Variants in TENM3 observed in about 807,000 individuals in gnomAD.
TENM3 encodes teneurin-3.
In TENM3, 63 loss-of-function variants were observed where a neutral mutation model predicts 255.1. The ratio of observed to expected loss-of-function variants is 0.25; its 90% CI spans 0.20 to 0.30. TENM3 has a LOEUF of 0.30. TENM3 is among the 10% of genes least tolerant of loss of function. TENM3 has a pLI of 1.00. For missense variants in TENM3, 2,929 were observed against 3,461.1 expected (o/e 0.85, Z 3.86); for synonymous variants, 1,306 against 1,322.3 (o/e 0.99, Z 0.27).
At chr4:182,604,081 T>G (rs1375106945) in intron 4 of TENM3, among the ~76,000 whole-genome samples, 1 of 152,198 alleles carries the variant, frequency 6.6e-6, no homozygotes, top group Non-Finnish European at 1.5e-5. Context: ...ATCATTTTGA[T>G]TTATTCAAAA....
chr4:181,474,856 C>T, the TENM3 span, among the ~76,000 whole-genome samples: 1 of 151,984 alleles, frequency 6.6e-6, no homozygotes, highest in African/African-American at 2.4e-5. Context: ...CTGAATTGTT[C>T]TCATTGAAAT....
chr4:181,544,066 T>A, the TENM3 span, among the ~76,000 whole-genome samples: 1 of 152,110 alleles, frequency 6.6e-6, no homozygotes, highest in Non-Finnish European at 1.5e-5. Flanking sequence ...ATTTAATTTT[T>A]AAAAATAGAT....
chr4:181,715,085 T>C, the TENM3 span, among the ~76,000 whole-genome samples: 70 of 152,350 alleles, frequency 4.6e-4, 1 homozygote, highest in East Asian at 0.013. Flanking sequence ...TTCTTAATTA[T>C]ACGTGGTAGA....
At chr4:182,020,607 C>G in the TENM3 span, among the ~76,000 whole-genome samples, 2 of 152,172 alleles carry the variant, frequency 1.3e-5, no homozygotes, top group African/African-American at 4.8e-5. Flanking sequence ...GCTAATTACC[C>G]TGATTTGATC....
At chr4:182,673,918 T>C (rs1482177879) in intron 7 of TENM3, among the ~76,000 whole-genome samples, 1 of 152,216 alleles carries the variant, frequency 6.6e-6, no homozygotes, top group East Asian at 1.9e-4. Flanking sequence ...GCCTTTTTCA[T>C]AATCTAATAC....
chr4:181,687,043 A>T, the TENM3 span, among the ~76,000 whole-genome samples: 15 of 152,150 alleles, frequency 9.9e-5, no homozygotes, highest in Non-Finnish European at 1.8e-4. Context: ...GGTTCTTATT[A>T]AAAAAGAGAG....
At position 182,743,279 on chromosome 4, in the gene TENM3, C is replaced by G; in HGVS notation, c.3489C>G (p.Cys1163Trp). 6.2e-7 allele frequency: 1 copy of G among 1,614,032 alleles called. No individual in the cohort carries two copies. The highest frequency in any genetic ancestry group is 8.5e-7 in the Non-Finnish European group (1 of 1,179,900). ...GRRRSISCPS[C>W]NGQADGNKLL... ...GGCGCAGCATTTCCTGCCCCAGTTG[C>G]AATGGTCAAGCTGATGGTAACAAGT... The change falls in exon 19 of 28, where the codon TGC becomes TGG. Residue 1163 changes from cysteine (C) to tryptophan (W), a missense_variant. Physicochemically the swap from Cys to Trp is radical, Grantham distance 215 (BLOSUM62 -2). Transcript: ENST00000511685.
chr4:182,351,091 G>GGT (rs771364031), intron 3 of TENM3, among the ~76,000 whole-genome samples: 1 of 22,598 alleles, frequency 4.4e-5, no homozygotes, highest in Non-Finnish European at 6.1e-4. Flanking sequence ...GGAACAAAGG[G>GGT]CTTTTTTTTA....
chr4:181,455,618 T>C, the TENM3 span, among the ~76,000 whole-genome samples: 1 of 152,024 alleles, frequency 6.6e-6, no homozygotes, highest in Non-Finnish European at 1.5e-5. Flanking sequence ...AAATTAAAGA[T>C]TATCTGGTTG....
intron 1 of TENM3, among the ~76,000 whole-genome samples, chr4:182,251,696 A>C (rs1579900775): frequency 6.6e-6 from 1 of 152,322 alleles, no homozygotes; most frequent in East Asian, 1.9e-4. Context: ...GTCTTCTTAA[A>C]TGGGAGAAAT....
chr4:182,672,870 A>G (rs1755333068), intron 6 of TENM3, 135 bp from the exon 7 acceptor site: 4 of 647,472 alleles, frequency 6.2e-6, no homozygotes, highest in Non-Finnish European at 7.9e-6. Flanking sequence ...TGCAAATTTT[A>G]TGAAAGTAAT....
intron 3 of TENM3, among the ~76,000 whole-genome samples, chr4:182,589,826 T>C (rs1011595129): frequency 6.6e-6 from 1 of 151,808 alleles, no homozygotes; most frequent in Non-Finnish European, 1.5e-5. Flanking sequence ...TACAAAAAAT[T>C]AGCTGGGCTT....
chr4:182,330,301 G>A (rs1763663921), intron 2 of TENM3, among the ~76,000 whole-genome samples: 1 of 152,198 alleles, frequency 6.6e-6, no homozygotes, highest in Non-Finnish European at 1.5e-5. Context: ...TGTGAGGTTG[G>A]ATGAAGAGGG....
At chr4:182,123,886 G>C in the TENM3 span, among the ~76,000 whole-genome samples, 1 of 152,182 alleles carries the variant, frequency 6.6e-6, no homozygotes, top group Non-Finnish European at 1.5e-5. Flanking sequence ...GAGGAGAAGA[G>C]TGACAGCGTG....
At chr4:182,250,054 CTTTTTTT>C (rs957483629) in intron 1 of TENM3, among the ~76,000 whole-genome samples, 9 of 128,448 alleles carry the variant, frequency 7.0e-5, no homozygotes, top group Non-Finnish European at 9.9e-5. Context: ...TTTCTTTTTT[CTTTTTTT>C]TTTTTTTTTG....
intron 22 of TENM3, among the ~76,000 whole-genome samples, chr4:182,755,829 G>A (rs997421077): frequency 2.0e-5 from 3 of 151,952 alleles, no homozygotes; most frequent in East Asian, 1.9e-4. Flanking sequence ...GCGACAGAGC[G>A]AGACTCCGCC....
intron 3 of TENM3, among the ~76,000 whole-genome samples, chr4:182,476,867 T>TC (rs1290482162): frequency 1.3e-5 from 2 of 152,206 alleles, no homozygotes; most frequent in Non-Finnish European, 2.9e-5. Context: ...ACTTGAATCT[T>TC]CAGAAAGGTT....
the TENM3 span, among the ~76,000 whole-genome samples, chr4:181,543,203 T>G: frequency 9.2e-5 from 14 of 152,192 alleles, no homozygotes; most frequent in Admixed American, 9.2e-4. Flanking sequence ...TGTCCAGAAA[T>G]TCCTTCAAAC....
intron 1 of TENM3, among the ~76,000 whole-genome samples, chr4:182,293,694 C>T (rs1230939261): frequency 6.6e-6 from 1 of 152,104 alleles, no homozygotes; most frequent in Non-Finnish European, 1.5e-5. Context: ...TCGCCGTATC[C>T]TTTCTACTGT....
Sources: allele counts gnomAD v4.1 joint callset (sites outside exome capture counted in the v4.1 genomes callset), GRCh38; gene constraint gnomAD v4.1.1; transcripts MANE v1.5; gene names NCBI Gene and HGNC (gene_info 2026-07-23, HGNC 2026-07-21).